Variants in BANF2 observed in about 807,000 individuals in gnomAD.
BANF2 encodes the protein BANF family member 2, also known as barrier-to-autointegration factor-like protein.
A neutral mutation model predicts 8.0 loss-of-function variants in BANF2; 4 were observed. The ratio of observed to expected loss-of-function variants is 0.50; its 90% CI spans 0.25 to 1.14. BANF2 has a LOEUF of 1.14. Ranked by LOEUF, BANF2 falls within the 50% of genes most tolerant of loss-of-function variation. BANF2 has a pLI of 0.16. For missense variants in BANF2, 96 were observed against 107.5 expected, an observed-to-expected ratio of 0.89 and a Z score of 0.47; for synonymous variants, 50 against 40.6, an observed-to-expected ratio of 1.23 and a Z score of -0.88.
intron 1 of BANF2, among the ~76,000 whole-genome samples, chr20:17,713,046 A>C (rs1032708688): frequency 4.6e-5 from 7 of 151,616 alleles, no homozygotes; most frequent in Non-Finnish European, 8.8e-5. Flanking sequence ...CCAGGAGTTC[A>C]AGACCAGCCT....
intron 1 of BANF2, chr20:17,712,413 T>C (rs2037586968): frequency 1.7e-5 from 8 of 462,372 alleles, no homozygotes; most frequent in Non-Finnish European, 2.3e-5. Flanking sequence ...TGACTGTTGT[T>C]GTCATCTCCT....
At chr20:17,723,007 C>A in intron 2 of BANF2, 129 bp downstream of exon 2, 1 of 582,396 alleles carries the variant, frequency 1.7e-6, no homozygotes, top group Non-Finnish European at 2.2e-6. Context: ...GATTGGGGAG[C>A]AAAGGCCATT....
At chr20:17,702,839 T>A (rs1294477418) in intron 1 of BANF2, among the ~76,000 whole-genome samples, 1 of 152,202 alleles carries the variant, frequency 6.6e-6, no homozygotes, top group Non-Finnish European at 1.5e-5. Flanking sequence ...TGTTGTCTCA[T>A]ATGATAGCCA....
intron 1 of BANF2, among the ~76,000 whole-genome samples, chr20:17,713,698 G>C (rs1242684834): frequency 6.6e-6 from 1 of 151,950 alleles, no homozygotes; most frequent in African/African-American, 2.4e-5. Flanking sequence ...ACCCGGGTGT[G>C]GTGGCTCGTG....
At chr20:17,698,226 AT>A (rs544642387), upstream of BANF2, among the ~76,000 whole-genome samples, 24 of 129,950 alleles carry the variant, frequency 1.8e-4, 1 homozygote, top group East Asian at 5.2e-3. Flanking sequence ...AAAAATAATA[AT>A]AAAAAAAAAA....
At chr20:17,730,252 A>G (rs2037872324) in intron 3 of BANF2, among the ~76,000 whole-genome samples, 1 of 152,196 alleles carries the variant, frequency 6.6e-6, no homozygotes, top group South Asian at 2.1e-4. Context: ...GTGGAGACGC[A>G]TAGAGACCAC....
chr20:17,710,615 T>C (rs1043227743), intron 1 of BANF2, among the ~76,000 whole-genome samples: 6 of 152,304 alleles, frequency 3.9e-5, no homozygotes, highest in Admixed American at 3.9e-4. Context: ...GCACCAGACC[T>C]TCTTTCCATG....
At chr20:17,717,252 T>G (rs746426845) in intron 1 of BANF2, among the ~76,000 whole-genome samples, 7 of 152,084 alleles carry the variant, frequency 4.6e-5, no homozygotes, top group Non-Finnish European at 1.0e-4. Flanking sequence ...GGAACAACCC[T>G]GGGGTCATTC....
intron 1 of BANF2, among the ~76,000 whole-genome samples, chr20:17,709,647 A>G (rs551573792): frequency 6.6e-6 from 1 of 152,276 alleles, no homozygotes; most frequent in East Asian, 1.9e-4. Context: ...GATTGCCCAG[A>G]AGCTCAATGG....
chr20:17,709,266 A>C (rs961234711), intron 1 of BANF2, among the ~76,000 whole-genome samples: 2 of 152,112 alleles, frequency 1.3e-5, no homozygotes, highest in African/African-American at 4.8e-5. Context: ...ACACCCTCCT[A>C]TCTGGAGACA....
intron 3 of BANF2, among the ~76,000 whole-genome samples, chr20:17,728,105 T>G (rs1414527799): frequency 6.6e-6 from 1 of 152,154 alleles, no homozygotes; most frequent in Non-Finnish European, 1.5e-5. Flanking sequence ...TCACGTGACC[T>G]CCTGTCTTTG....
upstream of BANF2, among the ~76,000 whole-genome samples, chr20:17,697,155 C>T (rs142571865): frequency 6.6e-6 from 1 of 152,072 alleles, no homozygotes; most frequent in East Asian, 1.9e-4. Flanking sequence ...ATATCCCTAG[C>T]GAGCCTTCTC....
In BANF2 at chr20:17,735,764, C is replaced by T; in HGVS notation, c.226C>T (p.Gln76Ter). The T allele has an allele frequency of 6.2e-6, 10 of 1,614,024 alleles. No individual in the cohort carries two copies. Among genetic ancestry groups the T allele is most frequent in the Non-Finnish European group, 8.5e-6 (10 of 1,179,952 alleles). Residue 76 changes from glutamine to a stop codon, truncating the protein, a stop_gained, in exon 4 of 4, where the codon CAG (glutamine) becomes TAG (stop). Coordinates refer to ENST00000246090, the MANE Select transcript of BANF2 (RefSeq NM_178477.5). LOFTEE classifies it high-confidence loss of function. Reference protein sequence around the residue: ...CCFGATECEAQQTSHCLKEWC... With the variant: ...CCFGATECEA ...TTTTGGTGCCACTGAGTGTGAGGCC[C>T]AGCAGACTTCTCACTGCCTCAAGGA...
At chr20:17,698,417 A>T (rs2037368801), upstream of BANF2, among the ~76,000 whole-genome samples, 1 of 152,134 alleles carries the variant, frequency 6.6e-6, no homozygotes, top group South Asian at 2.1e-4. Flanking sequence ...TTTTCTGTGG[A>T]AATTACCCAG....
chr20:17,710,469 T>C (rs2037552885), intron 1 of BANF2, among the ~76,000 whole-genome samples: 1 of 152,338 alleles, frequency 6.6e-6, no homozygotes, highest in Admixed American at 6.5e-5. Context: ...TGCATGACAA[T>C]GGCCATACAG....
At chr20:17,707,219 T>TA (rs11385268) in intron 1 of BANF2, among the ~76,000 whole-genome samples, 68,538 of 145,728 alleles carry the variant, frequency 0.47, 15,891 homozygotes, top group Middle Eastern at 0.5. Flanking sequence ...CCATCTCTAC[T>TA]AAAAAAAAAA....
At chr20:17,694,023 C>T (rs66462503) in intron 1 of BANF2, among the ~76,000 whole-genome samples, 1 of 152,158 alleles carries the variant, frequency 6.6e-6, no homozygotes, top group East Asian at 1.9e-4. Flanking sequence ...ACAGTCTCTC[C>T]TTGTTGCGAT....
chr20:17,712,434 G>A, intron 1 of BANF2: 1 of 757,722 alleles, frequency 1.3e-6, no homozygotes, highest in Non-Finnish European at 1.6e-6. Flanking sequence ...GCCAAGTCCT[G>A]GAAGGCAAGC....
At chr20:17,702,166 C>T (rs1050144498) in intron 1 of BANF2, among the ~76,000 whole-genome samples, 9 of 152,206 alleles carry the variant, frequency 5.9e-5, no homozygotes, top group Non-Finnish European at 1.0e-4. Context: ...TCTGCCGCCT[C>T]CCAGCTTGTG....
Sources: gnomAD v4.1 joint callset for allele counts (sites outside exome capture counted in the v4.1 genomes callset) on GRCh38, gnomAD v4.1.1 for gene constraint, MANE v1.5 for transcripts, NCBI Gene and HGNC (gene_info 2026-07-23, HGNC 2026-07-21) for gene names.